The following MNAT1 variants were observed in gnomAD, a reference collection of about 807,000 sequenced individuals.
MNAT1 encodes the protein CDK-activating kinase assembly factor MAT1.
A neutral mutation model predicts 42.0 loss-of-function variants in MNAT1; 43 were observed. The ratio of observed to expected loss-of-function variants is 1.02; its 90% CI spans 0.80 to 1.32. The LOEUF (loss-of-function observed/expected upper bound fraction) is 1.32. Among genes scored for constraint, MNAT1 ranks in the 40% most tolerant of loss-of-function variants. MNAT1 has a pLI of 0.00. For synonymous variants in MNAT1, 118 were observed against 120.0 expected, an observed-to-expected ratio of 0.98 and a Z score of 0.11; for missense variants, 306 against 350.4, an observed-to-expected ratio of 0.87 and a Z score of 1.01.
At chr14:60,882,051 C>T (rs1407924600) in intron 7 of MNAT1, among the ~76,000 whole-genome samples, 2 of 152,100 alleles carry the variant, frequency 1.3e-5, no homozygotes, top group Non-Finnish European at 2.9e-5. Flanking sequence ...ATCACAGCTA[C>T]TTGGGAGGCT....
intron 4 of MNAT1, among the ~76,000 whole-genome samples, chr14:60,811,024 TTTAG>T (rs777672242): frequency 1.2e-4 from 18 of 152,200 alleles, no homozygotes; most frequent in Non-Finnish European, 2.4e-4. Flanking sequence ...GCTTTACATA[TTTAG>T]TTGTTTATAA....
In MNAT1 at chr14:60,890,763, T is replaced by C. The variant is rs151256623; in HGVS notation, c.809+10928T>C. Among the ~76,000 whole-genome samples, 579 of 152,304 alleles carry C rather than the reference T, an allele frequency of 3.8e-3. 3 individuals are homozygous for C. The highest frequency in any genetic ancestry group is 6.3e-3 in the Non-Finnish European group (428 of 68,030). ...CTCAGCAAGTCTGCTCTTTCCACCT[T>C]CTTTTGCCTGCTTTATTCTAGCCAC... On this transcript the variant is annotated intron_variant, in intron 7 of 7. Coordinates refer to ENST00000261245, the MANE Select transcript of MNAT1 (RefSeq NM_002431.4).
At chr14:60,952,001 T>C (rs1032477338) in intron 7 of MNAT1, among the ~76,000 whole-genome samples, 1 of 152,176 alleles carries the variant, frequency 6.6e-6, no homozygotes, top group African/African-American at 2.4e-5. Flanking sequence ...GGTTGCAAGC[T>C]TTCTTGTGAC....
intron 3 of MNAT1, among the ~76,000 whole-genome samples, chr14:60,800,191 T>C (rs927741897): frequency 7.0e-6 from 1 of 142,230 alleles, no homozygotes; most frequent in African/African-American, 2.4e-5. Context: ...GTGTGTAAGG[T>C]TGGGGAAAAA....
At chr14:60,853,062 T>C (rs1413703755) in intron 6 of MNAT1, among the ~76,000 whole-genome samples, 1 of 152,122 alleles carries the variant, frequency 6.6e-6, no homozygotes, top group Non-Finnish European at 1.5e-5. Context: ...ATTTAAGTAG[T>C]GTTTTCTAAC....
At position 60,755,171 on chromosome 14, in the gene MNAT1, T is replaced by A. The variant is rs181573027; in HGVS notation, c.89+20220T>A. On this transcript the variant is annotated intron_variant, in intron 1 of 7. Transcript: ENST00000261245. ...GTGCCACCATGCCTACCTAATTTTTTTTTTTTTAGTTGCCCAGGCTGGAAT... is the reference window on the plus strand; with the variant it reads ...GTGCCACCATGCCTACCTAATTTTTATTTTTTTAGTTGCCCAGGCTGGAAT... Among the ~76,000 whole-genome samples the A allele has an allele frequency of 5.4e-3, 818 of 152,136 alleles. 5 individuals are homozygous for A. The highest frequency in any genetic ancestry group is 8.8e-3 in the Non-Finnish European group (596 of 67,990).
At chr14:60,881,310 G>A (rs1307377376) in intron 7 of MNAT1, among the ~76,000 whole-genome samples, 1 of 151,918 alleles carries the variant, frequency 6.6e-6, no homozygotes, top group Non-Finnish European at 1.5e-5. Flanking sequence ...TCAGCCTCCC[G>A]AGTAGCTGAG....
chr14:60,822,076 A>G (rs2032905528), intron 6 of MNAT1, among the ~76,000 whole-genome samples: 1 of 151,964 alleles, frequency 6.6e-6, no homozygotes, highest in South Asian at 2.1e-4. Flanking sequence ...TTATCTTTTA[A>G]TTTTTACCTG....
chr14:60,928,707 T>C (rs1354161263), intron 7 of MNAT1, among the ~76,000 whole-genome samples: 1 of 152,076 alleles, frequency 6.6e-6, no homozygotes, highest in Non-Finnish European at 1.5e-5. Flanking sequence ...TATTATAAAG[T>C]TACAAAAAGT....
intron 7 of MNAT1, among the ~76,000 whole-genome samples, chr14:60,887,627 A>G (rs1566536098): frequency 6.6e-6 from 1 of 152,038 alleles, no homozygotes; most frequent in Non-Finnish European, 1.5e-5. Flanking sequence ...TAGAGACACA[A>G]AAAACCCTTC....
chr14:60,891,545 T>C lies in MNAT1; in HGVS notation c.809+11710T>C, dbSNP rs577133735. 9.2e-5 allele frequency among the ~76,000 whole-genome samples: 14 copies of C among 152,040 alleles called. No homozygotes were observed. In the South Asian group the frequency reaches 2.9e-3, roughly 32 times the overall value. ...AGCTAACTGCAACCTCCGCCTCCCA[T>C]ATTCAAGTGCTTCTCCTGCTTCAGC... is the stretch of plus-strand genomic sequence containing the variant. On this transcript the variant is annotated intron_variant, in intron 7 of 7. Coordinates refer to ENST00000261245, the MANE Select transcript of MNAT1 (RefSeq NM_002431.4).
At chr14:60,847,622 T>G (rs12892680) in intron 6 of MNAT1, among the ~76,000 whole-genome samples, 169 of 152,280 alleles carry the variant, frequency 1.1e-3, no homozygotes, top group African/African-American at 3.6e-3. Flanking sequence ...TTTCTCATGG[T>G]GCTTTTTGTT....
At chr14:60,835,253 T>TA (rs2033358349) in intron 6 of MNAT1, among the ~76,000 whole-genome samples, 1 of 152,180 alleles carries the variant, frequency 6.6e-6, no homozygotes, top group African/African-American at 2.4e-5. Context: ...TGTTTACATT[T>TA]ACGATTAACA....
At chr14:60,774,528 A>G (rs555190497) in intron 1 of MNAT1, among the ~76,000 whole-genome samples, 1 of 152,332 alleles carries the variant, frequency 6.6e-6, no homozygotes, top group Non-Finnish European at 1.5e-5. Flanking sequence ...TTTTAAAGAT[A>G]CGATTTTGGC....
chr14:60,830,073 G>C (rs544267818), intron 6 of MNAT1, among the ~76,000 whole-genome samples: 14 of 152,268 alleles, frequency 9.2e-5, no homozygotes, highest in Non-Finnish European at 1.5e-5. Flanking sequence ...TATCCTGTAG[G>C]GTTGATAGTG....
chr14:60,896,751 G>T (rs1292787661), intron 7 of MNAT1, among the ~76,000 whole-genome samples: 3 of 152,106 alleles, frequency 2.0e-5, no homozygotes, highest in East Asian at 3.8e-4. Flanking sequence ...CTCCCAAAGT[G>T]CTGGGATTAC....
chr14:60,812,091 A>G lies in MNAT1; in HGVS notation c.525A>G (p.Leu175=). 6.3e-7 allele frequency: 1 copy of G among 1,590,364 alleles called. No individual in the cohort carries two copies. Among genetic ancestry groups the G allele is most frequent in the Admixed American group, 1.8e-5 (1 of 55,660 alleles). Residue 175 remains leucine (L), a synonymous_variant, in exon 5 of 8, where the codon CTA becomes CTG. Transcript: ENST00000261245. ...IQKEEQLQQI[L]KRKNKQAFLD... Reference sequence around the variant, plus strand: ...AAGAAGAACAACTGCAGCAGATTCTAAAAAGGAAGAATAAGCAGGCTTTTT... The same window carrying G: ...AAGAAGAACAACTGCAGCAGATTCTGAAAAGGAAGAATAAGCAGGCTTTTT...
intron 1 of MNAT1, among the ~76,000 whole-genome samples, chr14:60,777,022 G>A (rs527296286): frequency 6.6e-6 from 1 of 151,932 alleles, no homozygotes; most frequent in Non-Finnish European, 1.5e-5. Context: ...TAATTTTTTT[G>A]TATTTTTAGT....
In MNAT1 at chr14:60,879,762, T is replaced by A; in HGVS notation, c.736T>A (p.Tyr246Asn). ...TATTCACAAGCTTGAAGAAGCTCTG[T>A]ATGAATACCAGCCACTGCAGATAGA... ...APIHKLEEALYEYQPLQIETY... is the reference protein window; with the variant it reads ...APIHKLEEALNEYQPLQIETY... The change falls in exon 7 of 8, where the codon TAT becomes AAT. Residue 246 changes from tyrosine to asparagine, a missense_variant. Tyr to Asn is a moderately radical substitution (Grantham distance 143, BLOSUM62 -2). Around this residue, in one of 3 missense-constraint regions of MNAT1, gnomAD observed 116 missense variants for 139.6 expected, o/e 0.83. Coordinates refer to ENST00000261245, the MANE Select transcript of MNAT1 (RefSeq NM_002431.4). The A allele has an allele frequency of 1.2e-6, 2 of 1,613,350 alleles. No homozygotes were observed. Among genetic ancestry groups the A allele is most frequent in the Non-Finnish European group, 1.7e-6 (2 of 1,179,506 alleles).
Sources: gnomAD v4.1 joint callset for allele counts (sites outside exome capture counted in the v4.1 genomes callset) on GRCh38, gnomAD v4.1.1 for gene constraint, gnomAD v4.1.1 regional missense constraint, MANE v1.5 for transcripts, NCBI Gene and HGNC (gene_info 2026-07-23, HGNC 2026-07-21) for gene names.